Variants in FSTL4 observed in about 807,000 individuals in gnomAD.
FSTL4 encodes the protein follistatin-related protein 4.
Under a neutral mutation model 78.2 loss-of-function variants are expected in FSTL4, and 28 were observed. The observed-to-expected ratio is 0.36, with a 90% CI of 0.27 to 0.49. The LOEUF is 0.49. Among genes scored for constraint, FSTL4 ranks in the 20% least tolerant of loss-of-function variants. The pLI, the probability that FSTL4 is intolerant of heterozygous loss-of-function variation, is 0.98. For synonymous variants in FSTL4, 422 were observed against 440.5 expected (o/e 0.96, Z 0.53); for missense variants, 922 against 1,084.9 (o/e 0.85, Z 2.11).
intron 3 of FSTL4, among the ~76,000 whole-genome samples, chr5:133,402,824 G>A (rs1365446929): frequency 6.6e-6 from 1 of 152,166 alleles, no homozygotes; most frequent in East Asian, 1.9e-4. Flanking sequence ...ATCCTAAGGA[G>A]GCGGGAATCT....
the FSTL4 span, among the ~76,000 whole-genome samples, chr5:133,638,243 C>T: frequency 6.6e-6 from 1 of 152,162 alleles, no homozygotes; most frequent in East Asian, 1.9e-4. Context: ...CCACCATCAA[C>T]TCTCAGTTGC....
chr5:133,727,339 TA>T, the FSTL4 span, among the ~76,000 whole-genome samples: 420 of 145,286 alleles, frequency 2.9e-3, 1 homozygote, highest in African/African-American at 8.1e-3. Context: ...AGTTTAAACT[TA>T]AAAAAAAAAA....
At chr5:133,705,838 AACAC>A in the FSTL4 span, among the ~76,000 whole-genome samples, 2 of 145,060 alleles carry the variant, frequency 1.4e-5, no homozygotes, top group African/African-American at 2.7e-5. Context: ...AGCCTCCTGC[AACAC>A]ACACACACAC....
intron 3 of FSTL4, among the ~76,000 whole-genome samples, chr5:133,446,952 G>A (rs1035699694): frequency 2.0e-5 from 3 of 152,186 alleles, no homozygotes; most frequent in African/African-American, 7.2e-5. Flanking sequence ...AGGGTATTCA[G>A]ACCACAAGTG....
chr5:133,519,620 C>T (rs1310659036), intron 3 of FSTL4, among the ~76,000 whole-genome samples: 5 of 152,220 alleles, frequency 3.3e-5, no homozygotes. Context: ...GCCTGGGCCC[C>T]TTTGGTATTT....
At chr5:133,340,969 T>C (rs542827560) in intron 4 of FSTL4, among the ~76,000 whole-genome samples, 1 of 149,272 alleles carries the variant, frequency 6.7e-6, no homozygotes, top group African/African-American at 2.5e-5. Flanking sequence ...TTAGGGTAAG[T>C]GGATGCATAG....
chr5:133,208,006 CT>C (rs1750580715), intron 14 of FSTL4: 1 of 152,138 alleles, frequency 6.6e-6, no homozygotes, highest in Non-Finnish European at 1.5e-5. Context: ...ATCAGAATTT[CT>C]TTCATTGTCT....
chr5:133,611,174 C>CAAGCA lies in FSTL4; in HGVS notation c.-11+1150_-11+1151insTGCTT. 6.6e-6 allele frequency among the ~76,000 whole-genome samples: 1 copy of CAAGCA among 152,090 alleles called. No homozygotes were observed. The highest frequency in any genetic ancestry group is 1.5e-5 in the Non-Finnish European group (1 of 67,974). ...GCGGCCGCGAGCGAGGGCTGCTGGA[C>CAAGCA]AGCGCCCCGGCACCCGCTCTCGAGC... is the stretch of plus-strand genomic sequence containing the variant. On this transcript the variant is annotated intron_variant, in intron 1 of 15. Coordinates refer to ENST00000265342, the MANE Select transcript of FSTL4 (RefSeq NM_015082.2). This position sits in a 1 kb window ranked among gnomAD's most constrained non-coding sequence, Gnocchi z 4.9.
At position 133,603,924 on chromosome 5, in the gene FSTL4, C is replaced by T. The variant is rs760231160; in HGVS notation, c.60G>A (p.Ala20=). The T allele has an allele frequency of 1.1e-5, 18 of 1,613,796 alleles. No individual in the cohort carries two copies. The highest frequency in any genetic ancestry group is 1.1e-4 in the East Asian group (5 of 44,900). The change falls in exon 2 of 16, where the codon GCG becomes GCA. Residue 20 remains alanine (A), a synonymous_variant. Coordinates refer to ENST00000265342, the MANE Select transcript of FSTL4 (RefSeq NM_015082.2). ...LTLLGASLPA[A]LGWMDPGTSR... is the part of the protein sequence containing the mutation. ...TGGTTCCTGGGTCCATCCATCCCAG[C>T]GCAGCCGGCAGGGAGGCTCCGAGCA...
At chr5:133,343,347 C>T (rs12234042) in intron 4 of FSTL4, among the ~76,000 whole-genome samples, 22,229 of 152,118 alleles carry the variant, frequency 0.15, 1,891 homozygotes, top group East Asian at 0.37. Context: ...ACACTCAGCA[C>T]GGGTGTGGAG....
the FSTL4 span, among the ~76,000 whole-genome samples, chr5:133,737,206 T>A: frequency 6.6e-6 from 1 of 152,224 alleles, no homozygotes; most frequent in Admixed American, 6.5e-5. Context: ...TAGAAAAAAA[T>A]GGGTATATTT....
At chr5:133,256,072 A>C (rs1752372442) in intron 6 of FSTL4, among the ~76,000 whole-genome samples, 1 of 152,190 alleles carries the variant, frequency 6.6e-6, no homozygotes, top group Admixed American at 6.5e-5. Context: ...TTTTCAAATG[A>C]TGCCATTGGT....
chr5:133,349,205 G>C (rs545402163), intron 4 of FSTL4, among the ~76,000 whole-genome samples: 41 of 152,314 alleles, frequency 2.7e-4, no homozygotes, highest in African/African-American at 9.1e-4. Context: ...GAGATGAGCA[G>C]TGGGTAGTCC....
chr5:133,719,372 ATAAAAGTCCAT>A, the FSTL4 span, among the ~76,000 whole-genome samples: 1 of 152,166 alleles, frequency 6.6e-6, no homozygotes, highest in South Asian at 2.1e-4. Flanking sequence ...ATAATACATT[ATAAAAGTCCAT>A]TTGAGGCCAG....
At chr5:133,643,630 C>A in the FSTL4 span, among the ~76,000 whole-genome samples, 179 of 152,306 alleles carry the variant, frequency 1.2e-3, 1 homozygote, top group African/African-American at 3.6e-3. Flanking sequence ...ATCCACCAAG[C>A]AGGTCATCCA....
At chr5:133,533,512 C>G (rs1294078861) in intron 3 of FSTL4, among the ~76,000 whole-genome samples, 1 of 152,178 alleles carries the variant, frequency 6.6e-6, no homozygotes, top group Admixed American at 6.5e-5. Context: ...TCCCAAAGTG[C>G]TGGGATTACA....
chr5:133,759,690 C>T, the FSTL4 span, among the ~76,000 whole-genome samples: 1 of 152,194 alleles, frequency 6.6e-6, no homozygotes, highest in Non-Finnish European at 1.5e-5. Flanking sequence ...TGGACCAAGG[C>T]ACCCCAGGTG....
the FSTL4 span, among the ~76,000 whole-genome samples, chr5:133,678,933 A>G: frequency 1.3e-5 from 2 of 152,212 alleles, no homozygotes; most frequent in Non-Finnish European, 2.9e-5. Flanking sequence ...ATCCTTCTGC[A>G]TCATCACGTT....
the FSTL4 span, among the ~76,000 whole-genome samples, chr5:133,695,872 A>C: frequency 2.4e-4 from 36 of 152,332 alleles, no homozygotes; most frequent in East Asian, 2.3e-3. Flanking sequence ...CAGCCTTAGT[A>C]AGGTCTGTTC....
Sources: gnomAD v4.1 joint callset for allele counts (sites outside exome capture counted in the v4.1 genomes callset) on GRCh38, gnomAD v4.1.1 for gene constraint, Gnocchi (gnomAD v3.1) non-coding constraint, MANE v1.5 for transcripts, NCBI Gene and HGNC (gene_info 2026-07-23, HGNC 2026-07-21) for gene names.